The following SFXN5 variants were observed in gnomAD, a reference collection of about 807,000 sequenced individuals.
SFXN5 encodes sideroflexin 5.
A neutral mutation model predicts 50.2 loss-of-function variants in SFXN5; 43 were observed. The ratio of observed to expected loss-of-function variants is 0.86; its 90% CI spans 0.67 to 1.11. The LOEUF (loss-of-function observed/expected upper bound fraction) is 1.11. Ranked by LOEUF, SFXN5 falls within the 50% of genes least tolerant of loss-of-function variation. SFXN5 has a pLI of 0.00. For synonymous variants in SFXN5, 203 were observed against 185.8 expected, an observed-to-expected ratio of 1.09 and a Z score of -0.75; for missense variants, 463 against 454.1, an observed-to-expected ratio of 1.02 and a Z score of -0.18.
intron 6 of SFXN5, among the ~76,000 whole-genome samples, chr2:73,004,688 T>C (rs6757131): frequency 0.35 from 52,807 of 151,578 alleles, 11,678 homozygotes; most frequent in African/African-American, 0.62. Flanking sequence ...CCGAGCTGCA[T>C]CGGCCAAATG....
At chr2:73,027,007 G>A (rs908354337) in intron 3 of SFXN5, among the ~76,000 whole-genome samples, 7 of 152,260 alleles carry the variant, frequency 4.6e-5, no homozygotes, top group Middle Eastern at 3.4e-3. Context: ...GATTACAGGC[G>A]TGAGCCACCG....
chr2:73,067,191 G>C (rs1479617763), intron 1 of SFXN5, among the ~76,000 whole-genome samples: 1 of 152,188 alleles, frequency 6.6e-6, no homozygotes, highest in Non-Finnish European at 1.5e-5. Context: ...CCAAAAGAAA[G>C]ACATTAGGCA....
chr2:73,052,074 G>A (rs566679142), intron 2 of SFXN5, among the ~76,000 whole-genome samples: 1 of 151,804 alleles, frequency 6.6e-6, no homozygotes, highest in African/African-American at 2.4e-5. Context: ...TGCTCAAATT[G>A]TCCCAATGCA....
intron 11 of SFXN5, among the ~76,000 whole-genome samples, chr2:72,971,046 C>T (rs772845670): frequency 2.0e-5 from 3 of 152,104 alleles, no homozygotes; most frequent in East Asian, 3.9e-4. Flanking sequence ...AAACCAGTGG[C>T]GAAAGAAGGT....
At chr2:73,069,936 A>G (rs1683453535) in intron 1 of SFXN5, among the ~76,000 whole-genome samples, 1 of 152,262 alleles carries the variant, frequency 6.6e-6, no homozygotes, top group African/African-American at 2.4e-5. Context: ...CCTTCTTGCA[A>G]AAGGCCTACA....
intron 3 of SFXN5, among the ~76,000 whole-genome samples, chr2:73,032,600 G>A (rs1030646172): frequency 6.6e-6 from 1 of 152,138 alleles, no homozygotes; most frequent in Non-Finnish European, 1.5e-5. Flanking sequence ...TGGCCTTCTC[G>A]GGCAGAGCGG....
chr2:73,028,433 C>T (rs1037133817), intron 3 of SFXN5, among the ~76,000 whole-genome samples: 5 of 152,174 alleles, frequency 3.3e-5, no homozygotes, highest in African/African-American at 4.8e-5. Flanking sequence ...GCAGGGAGGG[C>T]CATGCAGTCC....
intron 6 of SFXN5, among the ~76,000 whole-genome samples, chr2:73,007,434 G>A (rs1241581621): frequency 6.6e-6 from 1 of 151,780 alleles, no homozygotes; most frequent in East Asian, 1.9e-4. Context: ...CATCCTTCAG[G>A]TTTCAGTTTA....
chr2:72,957,137 A>C, intron 13 of SFXN5: 1 of 447,120 alleles, frequency 2.2e-6, no homozygotes, highest in Non-Finnish European at 4.5e-6. Flanking sequence ...CTCAGCTTCA[A>C]CTCCCCCCCA....
chr2:73,000,729 C>T (rs975103653), intron 7 of SFXN5, among the ~76,000 whole-genome samples: 8 of 152,200 alleles, frequency 5.3e-5, no homozygotes, highest in African/African-American at 1.9e-4. Flanking sequence ...GGGTCCTGCG[C>T]ACCCCAGTAG....
Position 72,945,938 on chromosome 2 carries a change from G to A in SFXN5, c.946-839C>T, listed in dbSNP as rs1364974805. Among the ~76,000 whole-genome samples the A allele has an allele frequency of 2.0e-5, 3 of 151,396 alleles. No individual in the cohort carries two copies. Among genetic ancestry groups the A allele is most frequent in the Non-Finnish European group, 4.4e-5 (3 of 67,926 alleles). ...TTGGCCACCCACCCCCTGCTCCCAC[G>A]CATCCTGGGCAGGTGACACTTCCTC... On this transcript the variant is annotated intron_variant, in intron 13 of 13. Coordinates refer to ENST00000272433, the MANE Select transcript of SFXN5 (RefSeq NM_144579.3). The surrounding 1 kb of genome is among the most constrained non-coding windows in gnomAD (Gnocchi z 5.8).
chr2:72,999,612 G>A (rs1456804587), intron 8 of SFXN5, among the ~76,000 whole-genome samples: 1 of 151,892 alleles, frequency 6.6e-6, no homozygotes, highest in Non-Finnish European at 1.5e-5. Flanking sequence ...CATCCAAGCA[G>A]AGATGGCCAT....
chr2:72,999,706 G>A (rs1673666204), intron 8 of SFXN5, among the ~76,000 whole-genome samples: 1 of 152,068 alleles, frequency 6.6e-6, no homozygotes, highest in South Asian at 2.1e-4. Context: ...CAATTCCTAT[G>A]GCCCAGGCCA....
intron 8 of SFXN5, among the ~76,000 whole-genome samples, chr2:72,999,932 A>G (rs1194516880): frequency 6.6e-6 from 1 of 151,958 alleles, no homozygotes; most frequent in Non-Finnish European, 1.5e-5. Flanking sequence ...CTCTCCAAGG[A>G]GTGCAGGGGC....
intron 13 of SFXN5, among the ~76,000 whole-genome samples, chr2:72,951,895 G>A (rs1672575759): frequency 6.6e-6 from 1 of 152,208 alleles, no homozygotes; most frequent in Non-Finnish European, 1.5e-5. Context: ...CCAGGCCTGG[G>A]ACCGCTTTGT....
chr2:73,061,511 A>T (rs201152615), intron 1 of SFXN5, among the ~76,000 whole-genome samples: 1 of 152,178 alleles, frequency 6.6e-6, no homozygotes, highest in East Asian at 1.9e-4. Flanking sequence ...AGACTTTATG[A>T]TTACCTGTAG....
At chr2:72,983,645 A>G (rs1294863906) in intron 10 of SFXN5, among the ~76,000 whole-genome samples, 1 of 152,146 alleles carries the variant, frequency 6.6e-6, no homozygotes, top group Non-Finnish European at 1.5e-5. Flanking sequence ...ACCTACCCGG[A>G]GTCCAGAGGG....
intron 4 of SFXN5, 79 bp downstream of exon 4, chr2:73,023,109 C>T (rs1457743125): frequency 1.0e-5 from 15 of 1,459,426 alleles, no homozygotes; most frequent in Non-Finnish European, 1.3e-5. Context: ...AGGGGGGCTT[C>T]CACTAGATCC....
intron 10 of SFXN5, among the ~76,000 whole-genome samples, chr2:72,986,774 G>A (rs1344299321): frequency 6.6e-6 from 1 of 152,154 alleles, no homozygotes; most frequent in Admixed American, 6.5e-5. Flanking sequence ...GGCATCTCCA[G>A]GGCCCCAGCC....
Sources: allele counts gnomAD v4.1 joint callset (sites outside exome capture counted in the v4.1 genomes callset), GRCh38; gene constraint gnomAD v4.1.1; non-coding constraint Gnocchi (gnomAD v3.1); transcripts MANE v1.5; gene names NCBI Gene and HGNC (gene_info 2026-07-23, HGNC 2026-07-21).